Variants in LOXHD1 observed in about 807,000 individuals in gnomAD.
The protein encoded by LOXHD1 is lipoxygenase homology PLAT domains 1.
Under a neutral mutation model 248.2 loss-of-function variants are expected in LOXHD1, and 205 were observed. The observed-to-expected ratio is 0.83, with a 90% CI of 0.74 to 0.93. The LOEUF (loss-of-function observed/expected upper bound fraction) is 0.93, where lower values mean the gene tolerates loss of function less well. Among genes scored for constraint, LOXHD1 ranks in the 40% least tolerant of loss-of-function variants. LOXHD1 has a pLI of 0.00. For synonymous variants in LOXHD1, 1,113 were observed against 1,162.8 expected, an observed-to-expected ratio of 0.96 and a Z score of 0.87; for missense variants, 2,930 against 2,971.6, an observed-to-expected ratio of 0.99 and a Z score of 0.33.
intron 37 of LOXHD1, among the ~76,000 whole-genome samples, 178 bp downstream of exon 37, chr18:46,505,660 C>T (rs1276311852): frequency 6.6e-6 from 1 of 152,150 alleles, no homozygotes; most frequent in Non-Finnish European, 1.5e-5. Flanking sequence ...AAAATATTTG[C>T]CCAGAAACAC....
At chr18:46,556,575 C>A in intron 21 of LOXHD1, 1 of 163,474 alleles carries the variant, frequency 6.1e-6, no homozygotes, top group Non-Finnish European at 1.3e-5. Context: ...AGCCAGCCCA[C>A]CCTCACCCTC....
intron 8 of LOXHD1, among the ~76,000 whole-genome samples, chr18:46,598,534 C>T (rs1294347966): frequency 6.6e-6 from 1 of 151,114 alleles, no homozygotes; most frequent in East Asian, 1.9e-4. Context: ...TTATCATTTA[C>T]AATTTGACTT....
In LOXHD1 at chr18:46,524,591, C is replaced by G; in HGVS notation, c.4751G>C (p.Gly1584Ala). ...ERLFYEKEYTGDRSSNCSSPA... is the reference protein window; with the variant it reads ...ERLFYEKEYTADRSSNCSSPA... ...GCTGCTGCAGTTGCTGCTGCGGTCC[C>G]CAGTGTACTCCTGTGTGGGAGAGCA... The change falls in exon 31 of 41, where the codon GGG becomes GCG. Residue 1584 changes from glycine (G) to alanine (A), a missense_variant. Coordinates refer to ENST00000642948, the MANE Select transcript of LOXHD1 (RefSeq NM_001384474.1). 2.6e-6 allele frequency: 4 copies of G among 1,551,720 alleles called. No homozygotes were observed. Among genetic ancestry groups the G allele is most frequent in the Non-Finnish European group, 3.5e-6 (4 of 1,146,996 alleles).
Position 46,601,341 on chromosome 18 carries a change from C to T in LOXHD1, c.1010G>A (p.Gly337Asp). ...KNSGKIFLEG[G>D]VFDRGRTDIF... ...GTCCGTGCGGCCTCGGTCAAACACG[C>T]CGCCCTCCAGGAAGATTTTCCCACT... The change falls in exon 8 of 41, where the codon GGC (glycine) becomes GAC (aspartate). Residue 337 changes from glycine to aspartate, a missense_variant. Physicochemically the swap from Gly to Asp is moderately conservative, Grantham distance 94 (BLOSUM62 -1). Transcript: ENST00000642948. 3 of 1,551,686 alleles carry T rather than the reference C, an allele frequency of 1.9e-6. No homozygotes were observed. Among genetic ancestry groups the T allele is most frequent in the Non-Finnish European group, 1.7e-6 (2 of 1,146,996 alleles).
intron 11 of LOXHD1, 114 bp from the exon 12 acceptor site, chr18:46,592,182 A>G (rs1374634491): frequency 1.5e-6 from 2 of 1,378,870 alleles, no homozygotes; most frequent in Non-Finnish European, 2.0e-6. Context: ...TCCTGGAGAT[A>G]ATCCTTATGG....
At chr18:46,554,881 T>A (rs1598990545) in intron 21 of LOXHD1, among the ~76,000 whole-genome samples, 1 of 152,212 alleles carries the variant, frequency 6.6e-6, no homozygotes, top group Non-Finnish European at 1.5e-5. Flanking sequence ...AGGGTAGCAC[T>A]TATTCTAAAT....
intron 5 of LOXHD1, among the ~76,000 whole-genome samples, chr18:46,616,383 T>C (rs1412374402): frequency 6.6e-6 from 1 of 152,208 alleles, no homozygotes; most frequent in Non-Finnish European, 1.5e-5. Context: ...AATGGGGAGA[T>C]CAGCAGGGGC....
At chr18:46,627,675 T>C (rs1279402117) in intron 4 of LOXHD1, among the ~76,000 whole-genome samples, 1 of 151,966 alleles carries the variant, frequency 6.6e-6, no homozygotes, top group Non-Finnish European at 1.5e-5. Flanking sequence ...ACAGTGAAAA[T>C]ATGAGGTGGA....
intron 40 of LOXHD1, 65 bp from the exon 41 acceptor site, chr18:46,478,017 C>T: frequency 2.0e-6 from 3 of 1,490,152 alleles, no homozygotes; most frequent in Non-Finnish European, 1.8e-6. Flanking sequence ...GCTGCTCCCT[C>T]CCCCAGATCC....
chr18:46,594,366 T>C lies in LOXHD1; in HGVS notation c.1235A>G (p.Tyr412Cys). ...CTTCTTCCTGAGAGACACCATCTCA[T>C]AGAGCTGCCTCTCAATCAACCCATC... ...KADGLIERQL[Y>C]EMVSLRKKRL... The change falls in exon 9 of 41, where the codon TAT becomes TGT. Residue 412 changes from tyrosine (Y) to cysteine (C), a missense_variant. Transcript: ENST00000642948. 4 of 1,551,684 alleles carry C rather than the reference T, an allele frequency of 2.6e-6. No individual in the cohort carries two copies. Among genetic ancestry groups the C allele is most frequent in the Non-Finnish European group, 2.6e-6 (3 of 1,146,982 alleles).
At chr18:46,645,734 T>G (rs1314607876) in intron 2 of LOXHD1, among the ~76,000 whole-genome samples, 3 of 151,924 alleles carry the variant, frequency 2.0e-5, no homozygotes, top group African/African-American at 7.3e-5. Context: ...GCACTGGTAC[T>G]GAAGTTCCTC....
chr18:46,478,557 G>A (rs1371972062), intron 40 of LOXHD1, among the ~76,000 whole-genome samples: 1 of 152,180 alleles, frequency 6.6e-6, no homozygotes, highest in East Asian at 1.9e-4. Context: ...GCCCAAGTAT[G>A]TCCTTCCCCT....
chr18:46,525,860 C>T (rs1373476772), intron 29 of LOXHD1, among the ~76,000 whole-genome samples: 2 of 152,148 alleles, frequency 1.3e-5, no homozygotes, highest in Non-Finnish European at 2.9e-5. Context: ...CCCCACAGTC[C>T]AGGACAGCAA....
At chr18:46,515,854 C>T (rs1401379493) in intron 34 of LOXHD1, among the ~76,000 whole-genome samples, 1 of 152,234 alleles carries the variant, frequency 6.6e-6, no homozygotes, top group Non-Finnish European at 1.5e-5. Context: ...AGGACTTGGG[C>T]AATGGCCCCC....
rs532165662 is a variant in LOXHD1 at position 46,614,483 on chromosome 18, A to G, written c.611-3559T>C. 2.4e-3 allele frequency among the ~76,000 whole-genome samples: 359 copies of G among 152,174 alleles called. 1 individual carries two copies. Among genetic ancestry groups the G allele is most frequent in the Non-Finnish European group, 4.4e-3 (297 of 68,012 alleles). On this transcript the variant is annotated intron_variant, in intron 5 of 40. Transcript: ENST00000642948. Reference sequence around the variant, plus strand: ...CTATCGCAAGGATAGAAAACCAAACACTGCATGTTCTCACTCATAGGTGGG... The same window carrying G: ...CTATCGCAAGGATAGAAAACCAAACGCTGCATGTTCTCACTCATAGGTGGG...
intron 4 of LOXHD1, among the ~76,000 whole-genome samples, chr18:46,631,955 G>A (rs544447884): frequency 6.6e-6 from 1 of 152,184 alleles, no homozygotes; most frequent in African/African-American, 2.4e-5. Flanking sequence ...ATGCTGGAGA[G>A]AACAGCTTTC....
intron 5 of LOXHD1, among the ~76,000 whole-genome samples, chr18:46,611,170 A>G (rs2038502684): frequency 6.6e-6 from 1 of 152,122 alleles, no homozygotes; most frequent in Non-Finnish European, 1.5e-5. Flanking sequence ...TCCCGATCCT[A>G]CTAAACCGAT....
intron 16 of LOXHD1, among the ~76,000 whole-genome samples, chr18:46,566,714 G>C (rs2037650778): frequency 6.6e-6 from 1 of 152,178 alleles, no homozygotes; most frequent in African/African-American, 2.4e-5. Flanking sequence ...AGAAACAAGA[G>C]GGGAGTGGAG....
Position 46,485,003 on chromosome 18 carries a change from G to T in LOXHD1, c.6182+16C>A. 1 of 1,549,590 alleles carries T rather than the reference G, an allele frequency of 6.5e-7. No individual in the cohort carries two copies. Among genetic ancestry groups the T allele is most frequent in the South Asian group, 1.2e-5 (1 of 83,922 alleles). ...TACCCACCCCCCACCACTTCCCATG[G>T]GCCTCCCCTTCCTACTTCCTAAAGG... On this transcript the variant is annotated intron_variant, in intron 39 of 40. Coordinates refer to ENST00000642948, the MANE Select transcript of LOXHD1 (RefSeq NM_001384474.1).
Sources: gnomAD v4.1 joint callset for allele counts (sites outside exome capture counted in the v4.1 genomes callset) on GRCh38, gnomAD v4.1.1 for gene constraint, MANE v1.5 for transcripts, NCBI Gene and HGNC (gene_info 2026-07-23, HGNC 2026-07-21) for gene names.